L3MBTL4: variants seen among roughly 807,000 people sequenced by gnomAD.
The protein encoded by L3MBTL4 is lethal(3)malignant brain tumor-like protein 4.
L3MBTL4 carries 70 observed loss-of-function variants against 84.5 expected under a neutral mutation model. The observed-to-expected ratio is 0.83, with a 90% CI of 0.68 to 1.01. The LOEUF (loss-of-function observed/expected upper bound fraction) is 1.01. Among genes scored for constraint, L3MBTL4 ranks in the 50% least tolerant of loss-of-function variants. L3MBTL4 has a pLI of 0.00. For synonymous variants in L3MBTL4, 274 were observed against 259.8 expected (o/e 1.05, Z -0.52); for missense variants, 715 against 754.8 (o/e 0.95, Z 0.62).
At chr18:6,199,868 G>C (rs550464958) in intron 12 of L3MBTL4, among the ~76,000 whole-genome samples, 1 of 152,318 alleles carries the variant, frequency 6.6e-6, no homozygotes, top group Non-Finnish European at 1.5e-5. Context: ...AAAATGATCA[G>C]AGCAGAGTAT....
intron 16 of L3MBTL4, among the ~76,000 whole-genome samples, chr18:5,977,657 G>A (rs2053010737): frequency 1.3e-5 from 2 of 152,206 alleles, no homozygotes; most frequent in African/African-American, 4.8e-5. Context: ...TGAGGGCAGG[G>A]TTTGAGTTCC....
At chr18:6,166,397 A>G (rs1383289956) in intron 13 of L3MBTL4, among the ~76,000 whole-genome samples, 2 of 152,174 alleles carry the variant, frequency 1.3e-5, no homozygotes, top group African/African-American at 2.4e-5. Context: ...ACCACATCAC[A>G]CCTATTCCAA....
At chr18:6,387,500 T>G (rs1261078594) in intron 1 of L3MBTL4, among the ~76,000 whole-genome samples, 11 of 152,202 alleles carry the variant, frequency 7.2e-5, no homozygotes, top group African/African-American at 2.2e-4. Flanking sequence ...GGAGCAGAAG[T>G]ACATACATAT....
intron 5 of L3MBTL4, among the ~76,000 whole-genome samples, chr18:6,263,138 C>T (rs992821972): frequency 3.9e-5 from 6 of 151,974 alleles, no homozygotes; most frequent in Non-Finnish European, 5.9e-5. Flanking sequence ...GGCATGGTGG[C>T]ACGCATCTGT....
intron 12 of L3MBTL4, among the ~76,000 whole-genome samples, chr18:6,191,467 T>C (rs887676537): frequency 6.6e-6 from 1 of 151,880 alleles, no homozygotes; most frequent in Non-Finnish European, 1.5e-5. Context: ...GAGGTAGCAG[T>C]GGGAAAGGGT....
intron 16 of L3MBTL4, among the ~76,000 whole-genome samples, chr18:6,076,248 G>A (rs1179742360): frequency 6.6e-6 from 1 of 152,212 alleles, no homozygotes; most frequent in African/African-American, 2.4e-5. Flanking sequence ...TGGATAAATT[G>A]TGGTATCTTC....
intron 13 of L3MBTL4, among the ~76,000 whole-genome samples, chr18:6,156,407 T>A (rs146832210): frequency 1.3e-5 from 2 of 152,272 alleles, no homozygotes; most frequent in Non-Finnish European, 2.9e-5. Flanking sequence ...ATAAAACTCT[T>A]CCTCATGTAA....
chr18:6,295,055 C>T (rs960315705), intron 4 of L3MBTL4, among the ~76,000 whole-genome samples: 13 of 151,998 alleles, frequency 8.6e-5, no homozygotes, highest in East Asian at 1.9e-4. Context: ...GGACAGTTCA[C>T]GAGGTCAAGA....
rs117383000 is a variant in L3MBTL4 at position 6,174,034 on chromosome 18, G to A, written c.982-2092C>T. Among the ~76,000 whole-genome samples the A allele has an allele frequency of 1.6e-3, 250 of 151,962 alleles. 2 individuals carry two copies. Among genetic ancestry groups the A allele is most frequent in the Non-Finnish European group, 2.1e-3 (145 of 67,986 alleles). On this transcript the variant is annotated intron_variant, in intron 12 of 18. Transcript: ENST00000317931. ...GTTCACATTTTGGGGAAAGAAAGAT[G>A]CTCTAGATTAATAATTACTCATGAA...
intron 14 of L3MBTL4, among the ~76,000 whole-genome samples, chr18:6,128,207 T>C (rs1288094586): frequency 1.3e-5 from 2 of 150,564 alleles, no homozygotes; most frequent in Non-Finnish European, 3.0e-5. Flanking sequence ...AATCAAAAAC[T>C]TCAACTGAAG....
chr18:6,274,693 A>C (rs2049008474), intron 4 of L3MBTL4, among the ~76,000 whole-genome samples: 1 of 152,162 alleles, frequency 6.6e-6, no homozygotes, highest in African/African-American at 2.4e-5. Flanking sequence ...AAAAGATACT[A>C]CTGATGGCAA....
chr18:6,145,561 C>T (rs1669707147), intron 13 of L3MBTL4, among the ~76,000 whole-genome samples: 1 of 149,388 alleles, frequency 6.7e-6, no homozygotes, highest in African/African-American at 2.5e-5. Flanking sequence ...AAACAGTACT[C>T]GATTCAACCT....
At chr18:5,995,903 G>C (rs2053940830) in intron 16 of L3MBTL4, among the ~76,000 whole-genome samples, 1 of 152,124 alleles carries the variant, frequency 6.6e-6, no homozygotes, top group Non-Finnish European at 1.5e-5. Flanking sequence ...GTTATTTTGA[G>C]TTTTCAATTT....
chr18:6,069,649 T>G (rs576536728), intron 16 of L3MBTL4, among the ~76,000 whole-genome samples: 92 of 151,904 alleles, frequency 6.1e-4, no homozygotes, highest in Non-Finnish European at 1.1e-3. Flanking sequence ...CAGAAGGGAG[T>G]ATAACTGCCT....
At chr18:6,046,184 T>C (rs1191205001) in intron 16 of L3MBTL4, among the ~76,000 whole-genome samples, 2 of 148,134 alleles carry the variant, frequency 1.4e-5, no homozygotes, top group Non-Finnish European at 3.0e-5. Context: ...TGATAAAGAG[T>C]TCAAGTCAAC....
At chr18:5,958,062 G>GAGA (rs563678931) in intron 18 of L3MBTL4, among the ~76,000 whole-genome samples, 3,272 of 93,096 alleles carry the variant, frequency 0.035, 187 homozygotes, top group Non-Finnish European at 0.052. Flanking sequence ...GAAGGAGAAG[G>GAGA]AGAAGAAGAA....
At chr18:5,963,366 C>A (rs1197661544) in intron 17 of L3MBTL4, among the ~76,000 whole-genome samples, 2 of 152,208 alleles carry the variant, frequency 1.3e-5, no homozygotes, top group Non-Finnish European at 2.9e-5. Context: ...TTGTCAATGT[C>A]TGAAAGGTAG....
intron 1 of L3MBTL4, among the ~76,000 whole-genome samples, chr18:6,315,822 G>A (rs988156045): frequency 2.6e-5 from 4 of 152,168 alleles, no homozygotes; most frequent in African/African-American, 9.7e-5. Context: ...TTATGTCATG[G>A]CAGCCACCTA....
chr18:6,113,596 C>T (rs1017877321), intron 14 of L3MBTL4, among the ~76,000 whole-genome samples: 1 of 152,038 alleles, frequency 6.6e-6, no homozygotes, highest in Non-Finnish European at 1.5e-5. Flanking sequence ...CCTTTGAACC[C>T]TCTAAGTGTT....
Sources: gnomAD v4.1 joint callset for allele counts (sites outside exome capture counted in the v4.1 genomes callset) on GRCh38, gnomAD v4.1.1 for gene constraint, MANE v1.5 for transcripts, NCBI Gene and HGNC (gene_info 2026-07-23, HGNC 2026-07-21) for gene names.